The following NAP1L1 variants were observed in gnomAD, a reference collection of about 807,000 sequenced individuals.
The protein encoded by NAP1L1 is nucleosome assembly protein 1 like 1.
NAP1L1 carries 9 observed loss-of-function variants against 58.9 expected under a neutral mutation model. That is an observed-to-expected ratio of 0.15 (90% confidence interval 0.09 to 0.27). The LOEUF is 0.27. Ranked by LOEUF, NAP1L1 falls within the 10% of genes least tolerant of loss-of-function variation. The probability of loss-of-function intolerance (pLI) is 1.00; values close to 1 mark genes in which losing one functional copy is unlikely to be tolerated. For synonymous variants in NAP1L1, 130 were observed against 138.3 expected (o/e 0.94, Z 0.42); for missense variants, 302 against 458.8 (o/e 0.66, Z 3.12).
In NAP1L1 at chr12:76,040,886, C is replaced by T. The variant is rs1948545102; in HGVS notation, c.*7543G>A. 1 of 152,180 alleles carries T rather than the reference C, an allele frequency of 6.6e-6. No individual in the cohort carries two copies. The highest frequency in any genetic ancestry group is 1.5e-5 in the Non-Finnish European group (1 of 68,044). 9.4% of individuals were successfully genotyped at this position (152,180 alleles called of 1,614,324 possible). A position where few individuals can be genotyped will look rare whatever the true frequency, so the allele number is the denominator to read the frequency against. Reference sequence around the variant, plus strand: ...CCATAATATATTTCCGATTGCTTAACATTTTCTCTAGCTTACTTTTTACAG... The same window carrying T: ...CCATAATATATTTCCGATTGCTTAATATTTTCTCTAGCTTACTTTTTACAG... On this transcript the variant is annotated 3_prime_UTR_variant, in exon 15 of 15. Coordinates refer to ENST00000618691, the MANE Select transcript of NAP1L1 (RefSeq NM_004537.7).
intron 2 of NAP1L1, 46 bp from the exon 3 acceptor site, chr12:76,069,040 C>CA (rs777692378): frequency 3.0e-6 from 4 of 1,342,726 alleles, no homozygotes; most frequent in Admixed American, 2.2e-5. Flanking sequence ...TACCAATTAC[C>CA]AAAAAAAGTT....
chr12:76,083,086 T>C (rs1219972740), intron 1 of NAP1L1, among the ~76,000 whole-genome samples: 1 of 152,184 alleles, frequency 6.6e-6, no homozygotes, highest in Non-Finnish European at 1.5e-5. Flanking sequence ...GCCTGGTTCA[T>C]CCTTTTTGCA....
At position 76,047,481 on chromosome 12, in the gene NAP1L1, G is replaced by T. The variant is rs1948638847; in HGVS notation, c.*948C>A. The stretch of plus-strand genomic sequence containing the variant: ...TAGTATAGCATCTCGTTCCAAAGCT[G>T]GTACCTTTTCTTCAACAATGTGTTA... On this transcript the variant is annotated 3_prime_UTR_variant, in exon 15 of 15. Transcript: ENST00000618691. 1 of 145,136 alleles carries T rather than the reference G, an allele frequency of 6.9e-6. No homozygotes were observed. 9.0% of individuals were successfully genotyped at this position (145,136 alleles called of 1,614,324 possible).
At position 76,047,103 on chromosome 12, in the gene NAP1L1, G is replaced by T. The variant is rs1358214298; in HGVS notation, c.*1326C>A. The T allele has an allele frequency of 3.9e-5, 6 of 152,396 alleles. No homozygotes were observed. The highest frequency in any genetic ancestry group is 3.9e-4 in the Admixed American group (6 of 15,248). 9.4% of individuals were successfully genotyped at this position (152,396 alleles called of 1,614,324 possible). On this transcript the variant is annotated 3_prime_UTR_variant, in exon 15 of 15. Coordinates refer to ENST00000618691, the MANE Select transcript of NAP1L1 (RefSeq NM_004537.7). The stretch of plus-strand genomic sequence containing the variant: ...TTTTCCAGTTTAGTTATCAAAGCGT[G>T]GTGTGAACAAAATGCTTAGTGTCAC...
At chr12:76,052,864 A>G (rs1354350681) in intron 11 of NAP1L1, among the ~76,000 whole-genome samples, 2 of 152,204 alleles carry the variant, frequency 1.3e-5, no homozygotes, top group African/African-American at 4.8e-5. Flanking sequence ...GCAATATGTG[A>G]AGTTTCAAAA....
In NAP1L1 at chr12:76,037,849, T is replaced by A. The variant is rs1184923406; in HGVS notation, c.*10580A>T. ...AAATATCCAAGATCCTGGATGAGTG[T>A]TTTCGCCATTGTACCTAACGGAGAG... On this transcript the variant is annotated 3_prime_UTR_variant, in exon 15 of 15. Coordinates refer to ENST00000618691, the MANE Select transcript of NAP1L1 (RefSeq NM_004537.7). 6.6e-6 allele frequency: 1 copy of A among 152,184 alleles called. No homozygotes were observed. The highest frequency in any genetic ancestry group is 1.9e-4 in the East Asian group (1 of 5,198). 9.4% of individuals were successfully genotyped at this position (152,184 alleles called of 1,614,324 possible). A position where few individuals can be genotyped will look rare whatever the true frequency, so the allele number is the denominator to read the frequency against.
In NAP1L1 at chr12:76,055,554, A is replaced by T. The variant is rs566965152; in HGVS notation, c.559-464T>A. On this transcript the variant is annotated intron_variant, in intron 7 of 14. Transcript: ENST00000618691. The stretch of plus-strand genomic sequence containing the variant: ...AGGGCAACATGTACTACTACAATGT[A>T]GACGGTAGGGGCTCACTCAAGAAAT... 9.2e-5 allele frequency among the ~76,000 whole-genome samples: 14 copies of T among 152,350 alleles called. No homozygotes were observed. In the East Asian group the frequency reaches 2.5e-3, roughly 27 times the overall value.
chr12:76,038,169 T>G lies in NAP1L1; in HGVS notation c.*10260A>C, dbSNP rs1275623000. 1 of 152,166 alleles carries G rather than the reference T, an allele frequency of 6.6e-6. No individual in the cohort carries two copies. The highest frequency in any genetic ancestry group is 1.9e-4 in the East Asian group (1 of 5,188). 9.4% of individuals were successfully genotyped at this position (152,166 alleles called of 1,614,324 possible). A position where few individuals can be genotyped will look rare whatever the true frequency, so the allele number is the denominator to read the frequency against. ...AAAGTGTTGATATTCTGGCTCTGGGTCTCTGGGGTGACAAGATACCCCAGT... is the reference window on the plus strand; with the variant it reads ...AAAGTGTTGATATTCTGGCTCTGGGGCTCTGGGGTGACAAGATACCCCAGT... On this transcript the variant is annotated 3_prime_UTR_variant, in exon 15 of 15. Transcript: ENST00000618691.
chr12:76,075,381 C>G (rs1036486014), intron 1 of NAP1L1, among the ~76,000 whole-genome samples: 1 of 152,150 alleles, frequency 6.6e-6, no homozygotes, highest in Non-Finnish European at 1.5e-5. Flanking sequence ...ATTTAATTCA[C>G]AAAATCCTGC....
chr12:76,049,128 T>G, intron 14 of NAP1L1, 72 bp downstream of exon 14: 1 of 1,445,252 alleles, frequency 6.9e-7, no homozygotes, highest in Non-Finnish European at 9.7e-7. Context: ...GAGAGAAACT[T>G]GATATTCAAA....
chr12:76,058,579 G>A (rs981987717), intron 6 of NAP1L1, among the ~76,000 whole-genome samples: 1 of 151,958 alleles, frequency 6.6e-6, no homozygotes, highest in African/African-American at 2.4e-5. Context: ...GTAGAGATGG[G>A]ATTTCACCAT....
intron 1 of NAP1L1, among the ~76,000 whole-genome samples, chr12:76,083,473 CAAAAAAAAAAAAA>C (rs34033928): frequency 3.4e-5 from 3 of 87,222 alleles, no homozygotes; most frequent in South Asian, 4.9e-4. Context: ...CTTTTTTTTC[CAAAAAAAAAAAAA>C]AAAAAAAAAC....
chr12:76,049,901 T>C lies in NAP1L1; in HGVS notation c.1060-116A>G, dbSNP rs1948741465. 5.6e-6 allele frequency: 6 copies of C among 1,064,088 alleles called. No homozygotes were observed. The African/African-American group carries it at 7.9e-5, about 14-fold the overall frequency. The allele number at this position is 1,064,088 out of a possible 1,614,324, so 65.9% of individuals were successfully genotyped here. On this transcript the variant is annotated intron_variant, in intron 12 of 14. Coordinates refer to ENST00000618691, the MANE Select transcript of NAP1L1 (RefSeq NM_004537.7). ...TCTAAAAAGAGAAAACCTACTTTCCTATCAAGGGGCTGATTATAAATTAAA... is the reference window on the plus strand; with the variant it reads ...TCTAAAAAGAGAAAACCTACTTTCCCATCAAGGGGCTGATTATAAATTAAA...
chr12:76,076,470 A>G (rs1023228903), intron 1 of NAP1L1, among the ~76,000 whole-genome samples: 2 of 150,846 alleles, frequency 1.3e-5, no homozygotes, highest in Non-Finnish European at 3.0e-5. Flanking sequence ...GCAGTCACAA[A>G]TGAAACAGAT....
chr12:76,069,099 C>A, intron 2 of NAP1L1, 105 bp from the exon 3 acceptor site: 6 of 782,212 alleles, frequency 7.7e-6, no homozygotes, highest in Non-Finnish European at 8.4e-6. Flanking sequence ...CTTTCAAAGA[C>A]ATGAAATAGG....
At chr12:76,048,945 T>G in intron 14 of NAP1L1, 1 of 509,718 alleles carries the variant, frequency 2.0e-6, no homozygotes, top group Admixed American at 3.6e-5. Context: ...CCCATTAAAA[T>G]AGAATCCTAG....
Position 76,048,173 on chromosome 12 carries a change from A to G in NAP1L1, c.*256T>C, listed in dbSNP as rs1948663768. 1 of 435,600 alleles carries G rather than the reference A, an allele frequency of 2.3e-6. No homozygotes were observed. Among genetic ancestry groups the G allele is most frequent in the African/African-American group, 2.0e-5 (1 of 49,196 alleles). 27.0% of individuals were successfully genotyped at this position (435,600 alleles called of 1,614,324 possible). On this transcript the variant is annotated 3_prime_UTR_variant, in exon 15 of 15. Transcript: ENST00000618691. ...GCTGTACTCCAAGAGCTACATAAAA[A>G]TATTCCAGAAGAACCAAATTATGTA...
rs1235021865 is a variant in NAP1L1 at position 76,068,963 on chromosome 12, C to T, written c.49G>A (p.Asp17Asn). 6.2e-7 allele frequency: 1 copy of T among 1,613,074 alleles called. No homozygotes were observed. The highest frequency in any genetic ancestry group is 8.5e-7 in the Non-Finnish European group (1 of 1,179,592). Residue 17 changes from aspartate (D) to asparagine (N), a missense_variant, in exon 3 of 15, where the codon GAT becomes AAT. By Grantham distance (23) the Asp-to-Asn change is conservative (BLOSUM62 1). Coordinates refer to ENST00000618691, the MANE Select transcript of NAP1L1 (RefSeq NM_004537.7). ...KEQSELDQDLDDVEEVEEEET... is the reference protein window; with the variant it reads ...KEQSELDQDLNDVEEVEEEET... ...TCTTCTTCTACTTCTTCAACATCAT[C>T]CAAATCTTGATCAAGTTCAGACTGT...
At chr12:76,050,490 C>T in intron 12 of NAP1L1, 41 bp downstream of exon 12, 2 of 1,580,774 alleles carry the variant, frequency 1.3e-6, no homozygotes, top group Non-Finnish European at 1.7e-6. Flanking sequence ...ACCACTATAC[C>T]CTCAACCAAT....
Sources: allele counts gnomAD v4.1 joint callset (sites outside exome capture counted in the v4.1 genomes callset), GRCh38; gene constraint gnomAD v4.1.1; transcripts MANE v1.5; gene names NCBI Gene and HGNC (gene_info 2026-07-23, HGNC 2026-07-21).